The following CNTN5 variants were observed in gnomAD, a reference collection of about 807,000 sequenced individuals.
CNTN5 encodes contactin-5.
CNTN5 carries 77 observed loss-of-function variants against 129.1 expected under a neutral mutation model. That is an observed-to-expected ratio of 0.60 (90% CI 0.50 to 0.72). CNTN5 has a LOEUF of 0.72. Ranked by LOEUF, CNTN5 falls within the 30% of genes least tolerant of loss-of-function variation. CNTN5 has a pLI of 0.00. For synonymous variants in CNTN5, 509 were observed against 465.6 expected, an observed-to-expected ratio of 1.09 and a Z score of -1.20; for missense variants, 1,478 against 1,328.8, an observed-to-expected ratio of 1.11 and a Z score of -1.75.
chr11:99,826,041 C>T (rs1946945984), intron 4 of CNTN5, among the ~76,000 whole-genome samples: 2 of 152,004 alleles, frequency 1.3e-5, no homozygotes, highest in African/African-American at 4.8e-5. Flanking sequence ...TAAGGAAGTC[C>T]ATTCCTGAAT....
At chr11:99,147,022 T>C (rs967130370) in intron 1 of CNTN5, among the ~76,000 whole-genome samples, 1 of 152,178 alleles carries the variant, frequency 6.6e-6, no homozygotes, top group Admixed American at 6.6e-5. Context: ...CATTAAGCAC[T>C]ATATTGAGGA....
chr11:99,995,665 T>C (rs1178233917), intron 8 of CNTN5, among the ~76,000 whole-genome samples: 1 of 152,214 alleles, frequency 6.6e-6, no homozygotes, highest in Non-Finnish European at 1.5e-5. Context: ...CATGCTCATA[T>C]GGCCACAAAC....
chr11:99,324,845 G>A (rs1006167306), intron 1 of CNTN5, among the ~76,000 whole-genome samples: 1 of 152,090 alleles, frequency 6.6e-6, no homozygotes, highest in Non-Finnish European at 1.5e-5. Flanking sequence ...GTTTCACCGT[G>A]TTAGCCAGGA....
chr11:99,795,054 A>T (rs1482152395), intron 3 of CNTN5, among the ~76,000 whole-genome samples: 3 of 152,164 alleles, frequency 2.0e-5, no homozygotes, highest in African/African-American at 7.2e-5. Context: ...TTTTTAAGGG[A>T]TGCCAGTGAA....
At chr11:99,468,151 A>G (rs1189201076) in intron 2 of CNTN5, among the ~76,000 whole-genome samples, 1 of 152,212 alleles carries the variant, frequency 6.6e-6, no homozygotes, top group Non-Finnish European at 1.5e-5. Flanking sequence ...AGCTGTGTTT[A>G]TTATGCATGT....
At chr11:100,028,707 T>A in intron 9 of CNTN5, among the ~76,000 whole-genome samples, 1 of 152,212 alleles carries the variant, frequency 6.6e-6, no homozygotes, top group Non-Finnish European at 1.5e-5. Flanking sequence ...GAAAATTCAC[T>A]CTTTGGCTTT....
intron 1 of CNTN5, among the ~76,000 whole-genome samples, chr11:99,224,070 G>C (rs1860547641): frequency 6.6e-6 from 1 of 151,992 alleles, no homozygotes; most frequent in African/African-American, 2.4e-5. Flanking sequence ...ACAGTTCAAT[G>C]CACCCATCAC....
chr11:100,236,927 C>T (rs965549141), intron 16 of CNTN5, among the ~76,000 whole-genome samples: 2 of 152,104 alleles, frequency 1.3e-5, no homozygotes, highest in African/African-American at 2.4e-5. Flanking sequence ...CGGTGGCTCA[C>T]GCCTGTAATC....
intron 7 of CNTN5, among the ~76,000 whole-genome samples, chr11:99,955,347 G>A (rs1470592535): frequency 2.6e-5 from 4 of 151,588 alleles, no homozygotes; most frequent in South Asian, 2.1e-4. Context: ...TCATTCCTTT[G>A]AGTAAAGTCA....
intron 1 of CNTN5, among the ~76,000 whole-genome samples, chr11:99,253,900 TA>T (rs1862243132): frequency 1.9e-5 from 1 of 52,062 alleles, no homozygotes; most frequent in South Asian, 5.0e-4. Context: ...TATACGTTTA[TA>T]TATATATATA....
intron 17 of CNTN5, among the ~76,000 whole-genome samples, chr11:100,268,123 T>C (rs942319231): frequency 6.6e-6 from 1 of 152,154 alleles, no homozygotes; most frequent in African/African-American, 2.4e-5. Context: ...TGGAGAAGCC[T>C]GAGAAACCTT....
chr11:99,919,330 A>G (rs567296813), intron 7 of CNTN5, among the ~76,000 whole-genome samples: 103 of 151,868 alleles, frequency 6.8e-4, no homozygotes, highest in Non-Finnish European at 1.3e-3. Context: ...CTGCATTTTT[A>G]TCAGAGTTTG....
chr11:99,880,210 TAAATG>T (rs140700943), intron 6 of CNTN5, among the ~76,000 whole-genome samples: 2 of 152,322 alleles, frequency 1.3e-5, no homozygotes, highest in African/African-American at 4.8e-5. Context: ...CATGAAAATA[TAAATG>T]GACAATAAAT....
intron 3 of CNTN5, among the ~76,000 whole-genome samples, chr11:99,711,189 G>A (rs12797427): frequency 0.044 from 6,736 of 151,946 alleles, 143 homozygotes; most frequent in East Asian, 0.068. Context: ...AAACTTTTGT[G>A]TAGAAAGGTA....
chr11:99,721,899 G>A (rs1211093427), intron 3 of CNTN5, among the ~76,000 whole-genome samples: 2 of 152,110 alleles, frequency 1.3e-5, no homozygotes, highest in Non-Finnish European at 2.9e-5. Context: ...CAATGTCACT[G>A]ATAGTTAGAT....
intron 8 of CNTN5, among the ~76,000 whole-genome samples, chr11:99,964,681 G>A (rs9733953): frequency 0.55 from 83,733 of 151,922 alleles, 23,686 homozygotes; most frequent in East Asian, 0.67. Flanking sequence ...CATAAAATGA[G>A]TTAGGGAGGA....
At chr11:99,877,583 TA>T (rs1948666381) in intron 6 of CNTN5, among the ~76,000 whole-genome samples, 2 of 146,206 alleles carry the variant, frequency 1.4e-5, no homozygotes, top group Admixed American at 1.4e-4. Flanking sequence ...AGTGGATTTT[TA>T]AGTTTATTTC....
At chr11:99,615,313 C>A (rs1950725475) in intron 3 of CNTN5, among the ~76,000 whole-genome samples, 1 of 151,760 alleles carries the variant, frequency 6.6e-6, no homozygotes, top group Non-Finnish European at 1.5e-5. Flanking sequence ...CTATTTTTAC[C>A]ATCAAAATTA....
chr11:100,255,650 T>A, intron 16 of CNTN5, 110 bp from the exon 17 acceptor site: 1 of 905,610 alleles, frequency 1.1e-6, no homozygotes, highest in Non-Finnish European at 1.6e-6. Flanking sequence ...TAAATTCATA[T>A]TTCATTAAGG....
Sources: allele counts gnomAD v4.1 joint callset (sites outside exome capture counted in the v4.1 genomes callset), GRCh38; gene constraint gnomAD v4.1.1; transcripts MANE v1.5; gene names NCBI Gene and HGNC (gene_info 2026-07-23, HGNC 2026-07-21).